Variants in ATP8A1 observed in about 807,000 individuals in gnomAD.
ATP8A1 encodes the protein ATPase phospholipid transporting 8A1.
A neutral mutation model predicts 177.7 loss-of-function variants in ATP8A1; 90 were observed. The ratio of observed to expected loss-of-function variants is 0.51; its 90% CI spans 0.43 to 0.60. ATP8A1 has a LOEUF of 0.60. Ranked by LOEUF, ATP8A1 falls within the 20% of genes least tolerant of loss-of-function variation. The pLI, the probability that ATP8A1 is intolerant of heterozygous loss-of-function variation, is 0.00. For synonymous variants in ATP8A1, 493 were observed against 485.9 expected, an observed-to-expected ratio of 1.01 and a Z score of -0.19; for missense variants, 1,072 against 1,392.8, an observed-to-expected ratio of 0.77 and a Z score of 3.67.
chr4:42,617,950 C>A (rs1737081150), intron 4 of ATP8A1, among the ~76,000 whole-genome samples: 1 of 152,144 alleles, frequency 6.6e-6, no homozygotes, highest in Admixed American at 6.5e-5. Flanking sequence ...TAAGATTATT[C>A]CTTCTAAAAC....
intron 15 of ATP8A1, among the ~76,000 whole-genome samples, chr4:42,563,245 T>C (rs1731023682): frequency 6.6e-6 from 1 of 152,182 alleles, no homozygotes; most frequent in African/African-American, 2.4e-5. Context: ...GTGACTCTTG[T>C]TATGTTTAAC....
At chr4:42,453,756 T>C (rs1246635810) in intron 29 of ATP8A1, among the ~76,000 whole-genome samples, 1 of 152,172 alleles carries the variant, frequency 6.6e-6, no homozygotes, top group African/African-American at 2.4e-5. Flanking sequence ...GCCCACACTA[T>C]GGTAGACGAG....
intron 4 of ATP8A1, among the ~76,000 whole-genome samples, chr4:42,623,422 T>C (rs1197784445): frequency 1.3e-5 from 2 of 152,148 alleles, no homozygotes; most frequent in Non-Finnish European, 1.5e-5. Flanking sequence ...CTATTCACAA[T>C]AGCAAAGACA....
In ATP8A1 at chr4:42,657,076, G is replaced by A; in HGVS notation, c.-203C>T. 9.2e-6 allele frequency: 4 copies of A among 435,978 alleles called. No homozygotes were observed. The allele number at this position is 435,978 out of a possible 1,614,324, so 27.0% of individuals were successfully genotyped here. A position where few individuals can be genotyped will look rare whatever the true frequency, so the allele number is the denominator to read the frequency against. ...GAAAGGCAGCGGTGGCGGCGAAGGT[G>A]GCGGCGCCCGCAGAGCTGGGCGAGC... On this transcript the variant is annotated 5_prime_UTR_variant, in exon 1 of 37. Coordinates refer to ENST00000381668, the MANE Select transcript of ATP8A1 (RefSeq NM_006095.2).
At chr4:42,511,973 G>A (rs1366604554) in intron 22 of ATP8A1, among the ~76,000 whole-genome samples, 1 of 152,166 alleles carries the variant, frequency 6.6e-6, no homozygotes, top group African/African-American at 2.4e-5. Context: ...TACCACTGGA[G>A]TAAATGTGGA....
intron 31 of ATP8A1, among the ~76,000 whole-genome samples, chr4:42,445,750 T>C (rs1560331871): frequency 6.6e-6 from 1 of 152,140 alleles, no homozygotes. Flanking sequence ...ACTTACTAAA[T>C]GCAAAAATTA....
At chr4:42,442,993 A>G (rs1381571536) in intron 33 of ATP8A1, among the ~76,000 whole-genome samples, 3 of 152,196 alleles carry the variant, frequency 2.0e-5, no homozygotes, top group East Asian at 1.9e-4. Context: ...TGAACACCTA[A>G]TAACTCAATT....
chr4:42,449,804 G>C (rs185441242), intron 30 of ATP8A1, among the ~76,000 whole-genome samples: 35 of 152,300 alleles, frequency 2.3e-4, no homozygotes, highest in Admixed American at 2.1e-3. Flanking sequence ...CCAGAGAGAC[G>C]TAATGATGGA....
chr4:42,460,133 G>A (rs1329184097), intron 27 of ATP8A1, among the ~76,000 whole-genome samples: 1 of 152,024 alleles, frequency 6.6e-6, no homozygotes, highest in Non-Finnish European at 1.5e-5. Flanking sequence ...CCTTTTTAGT[G>A]ACCATTACAC....
chr4:42,490,354 T>A (rs995288842), intron 24 of ATP8A1, among the ~76,000 whole-genome samples: 1 of 152,212 alleles, frequency 6.6e-6, no homozygotes, highest in Admixed American at 6.5e-5. Flanking sequence ...GAGGGCAGGA[T>A]CTACTCCAGC....
At chr4:42,431,780 C>T (rs1715335548) in intron 33 of ATP8A1, among the ~76,000 whole-genome samples, 1 of 152,156 alleles carries the variant, frequency 6.6e-6, no homozygotes, top group Non-Finnish European at 1.5e-5. Context: ...TCACATTTCT[C>T]TTTTTAAAAC....
At chr4:42,442,760 A>C (rs959105948) in intron 33 of ATP8A1, among the ~76,000 whole-genome samples, 5 of 152,212 alleles carry the variant, frequency 3.3e-5, no homozygotes, top group African/African-American at 7.2e-5. Context: ...CAAATACATG[A>C]AAACCACTGG....
chr4:42,441,332 T>G (rs1716617054), intron 33 of ATP8A1, among the ~76,000 whole-genome samples: 1 of 152,122 alleles, frequency 6.6e-6, no homozygotes, highest in Admixed American at 6.6e-5. Context: ...CATGAATCTT[T>G]CACATTTATA....
intron 15 of ATP8A1, among the ~76,000 whole-genome samples, chr4:42,557,479 T>A (rs1225128642): frequency 6.6e-6 from 1 of 152,188 alleles, no homozygotes; most frequent in Non-Finnish European, 1.5e-5. Context: ...GCAAGAAGTC[T>A]ATTTTCTTTC....
intron 22 of ATP8A1, among the ~76,000 whole-genome samples, chr4:42,518,002 A>G (rs1460549965): frequency 1.3e-5 from 2 of 152,194 alleles, no homozygotes; most frequent in Non-Finnish European, 2.9e-5. Flanking sequence ...CTGAGTAACT[A>G]AGCATCACAA....
chr4:42,433,436 G>T (rs1172817871), intron 33 of ATP8A1, among the ~76,000 whole-genome samples: 1 of 152,082 alleles, frequency 6.6e-6, no homozygotes, highest in South Asian at 2.1e-4. Flanking sequence ...TGAGACATAG[G>T]CACTCCATAA....
At chr4:42,486,874 T>C (rs1722248701) in intron 24 of ATP8A1, among the ~76,000 whole-genome samples, 1 of 152,238 alleles carries the variant, frequency 6.6e-6, no homozygotes, top group African/African-American at 2.4e-5. Flanking sequence ...GAGTCTGGAA[T>C]AGGCTATGCC....
rs1427278103 is a variant in ATP8A1 at position 42,579,793 on chromosome 4, G to C, written c.1000+20C>G. 6.3e-7 allele frequency: 1 copy of C among 1,593,264 alleles called. No homozygotes were observed. The highest frequency in any genetic ancestry group is 8.6e-7 in the Non-Finnish European group (1 of 1,168,944). On this transcript the variant is annotated intron_variant, in intron 11 of 36. Coordinates refer to ENST00000381668, the MANE Select transcript of ATP8A1 (RefSeq NM_006095.2). ...ACATGTCTTAATCTAAAAAAGTGCA[G>C]TAAGCACTTTATTGCTTACAGTTTA... is the stretch of plus-strand genomic sequence containing the variant.
intron 35 of ATP8A1, among the ~76,000 whole-genome samples, chr4:42,421,859 A>T (rs374068893): frequency 2.5e-4 from 38 of 152,302 alleles, no homozygotes; most frequent in African/African-American, 7.2e-4. Context: ...CTTTTATTAT[A>T]GACTGCAACT....
Sources: gnomAD v4.1 joint callset for allele counts (sites outside exome capture counted in the v4.1 genomes callset) on GRCh38, gnomAD v4.1.1 for gene constraint, MANE v1.5 for transcripts, NCBI Gene and HGNC (gene_info 2026-07-23, HGNC 2026-07-21) for gene names.